The following GLO1 variants were observed in gnomAD, a reference collection of about 807,000 sequenced individuals.
The protein encoded by GLO1 is lactoylglutathione lyase.
A neutral mutation model predicts 26.0 loss-of-function variants in GLO1; 28 were observed. That is an observed-to-expected ratio of 1.08 (90% CI 0.80 to 1.48). GLO1 has a LOEUF of 1.48. GLO1 is among the 40% of genes most tolerant of loss of function. GLO1 has a pLI of 0.00. For missense variants in GLO1, 225 were observed against 224.8 expected, an observed-to-expected ratio of 1.00 and a Z score of -0.01; for synonymous variants, 78 against 77.6, an observed-to-expected ratio of 1.00 and a Z score of -0.03.
intron 1 of GLO1, among the ~76,000 whole-genome samples, chr6:38,691,799 T>A (rs1048328389): frequency 6.6e-6 from 1 of 152,090 alleles, no homozygotes; most frequent in East Asian, 1.9e-4. Flanking sequence ...ATTTTTAACC[T>A]AAGGATGTCC....
intron 5 of GLO1, among the ~76,000 whole-genome samples, chr6:38,681,690 G>A (rs1377399203): frequency 5.3e-5 from 8 of 152,146 alleles, no homozygotes; most frequent in Admixed American, 1.3e-4. Flanking sequence ...ATTTTTGGGC[G>A]GAAAGATATA....
chr6:38,678,940 CAGGG>C (rs1471101827), intron 5 of GLO1, among the ~76,000 whole-genome samples: 2 of 152,092 alleles, frequency 1.3e-5, no homozygotes, highest in Non-Finnish European at 2.9e-5. Context: ...TTGTTAAGGA[CAGGG>C]ATCTGGCCAT....
intron 1 of GLO1, 23 bp downstream of exon 1, chr6:38,702,948 G>C (rs771854203): frequency 7.3e-7 from 1 of 1,378,422 alleles, no homozygotes. Flanking sequence ...TGGGGGAGCC[G>C]TTCCCTTCGG....
intron 3 of GLO1, 84 bp from the exon 4 acceptor site, chr6:38,682,959 C>A (rs1007892273): frequency 9.8e-6 from 8 of 814,340 alleles, no homozygotes; most frequent in Admixed American, 7.3e-5. Context: ...AATCTTACCA[C>A]GTTTATATGC....
chr6:38,697,452 T>C (rs1761629320), intron 1 of GLO1, among the ~76,000 whole-genome samples: 1 of 152,174 alleles, frequency 6.6e-6, no homozygotes, highest in African/African-American at 2.4e-5. Flanking sequence ...GAAGGCCCCA[T>C]GTACCACAGG....
intron 1 of GLO1, among the ~76,000 whole-genome samples, chr6:38,697,375 G>A (rs1162034910): frequency 6.6e-6 from 1 of 152,162 alleles, no homozygotes; most frequent in African/African-American, 2.4e-5. Flanking sequence ...GTCCTTACAG[G>A]AGTCGACACA....
At chr6:38,684,850 G>A (rs942804044) in intron 2 of GLO1, among the ~76,000 whole-genome samples, 1 of 152,094 alleles carries the variant, frequency 6.6e-6, no homozygotes, top group Non-Finnish European at 1.5e-5. Flanking sequence ...AAAGAACCTT[G>A]TTGCTATTTC....
At chr6:38,700,464 C>A (rs1173165851) in intron 1 of GLO1, among the ~76,000 whole-genome samples, 1 of 152,198 alleles carries the variant, frequency 6.6e-6, no homozygotes, top group Non-Finnish European at 1.5e-5. Context: ...ACAAACTGAG[C>A]CCAAGTGCCC....
At chr6:38,693,608 A>C (rs561833078) in intron 1 of GLO1, among the ~76,000 whole-genome samples, 1 of 149,894 alleles carries the variant, frequency 6.7e-6, no homozygotes, top group Admixed American at 6.6e-5. Flanking sequence ...AGTGCTATAC[A>C]TTTCCCCCTT....
Position 38,682,003 on chromosome 6 carries a change from T to G in GLO1, c.466+9A>C, listed in dbSNP as rs752049401. ...AGACAGGCCTGAACACAGTAAGTAG[T>G]AGACTCACCATCATCAGGTTTCTTC... On this transcript the variant is annotated intron_variant, in intron 5 of 5. Transcript: ENST00000373365. 7.4e-7 allele frequency: 1 copy of G among 1,351,078 alleles called. No individual in the cohort carries two copies. Among genetic ancestry groups the G allele is most frequent in the Non-Finnish European group, 1.1e-6 (1 of 939,620 alleles). 83.7% of individuals were successfully genotyped at this position (1,351,078 alleles called of 1,614,324 possible). A position where few individuals can be genotyped will look rare whatever the true frequency, so the allele number is the denominator to read the frequency against.
At chr6:38,680,778 C>A (rs918832434) in intron 5 of GLO1, among the ~76,000 whole-genome samples, 1 of 152,052 alleles carries the variant, frequency 6.6e-6, no homozygotes, top group Non-Finnish European at 1.5e-5. Context: ...GTGGTCCTAG[C>A]TACTTAGGAG....
intron 1 of GLO1, among the ~76,000 whole-genome samples, chr6:38,689,721 C>A (rs991524250): frequency 6.6e-6 from 1 of 151,954 alleles, no homozygotes; most frequent in Non-Finnish European, 1.5e-5. Context: ...CTGAGACGGG[C>A]GGATCACGAG....
intron 2 of GLO1, 104 bp downstream of exon 2, chr6:38,686,788 T>C: frequency 7.6e-6 from 5 of 662,036 alleles, no homozygotes; most frequent in South Asian, 6.2e-5. Context: ...CCAAAAGAAC[T>C]TCTGTTACTT....
At chr6:38,702,423 T>C (rs1761717008) in intron 1 of GLO1, among the ~76,000 whole-genome samples, 1 of 152,188 alleles carries the variant, frequency 6.6e-6, no homozygotes, top group Non-Finnish European at 1.5e-5. Flanking sequence ...ACTCTATGAT[T>C]CTGTAATCTC....
At chr6:38,697,392 G>A (rs1761628378) in intron 1 of GLO1, among the ~76,000 whole-genome samples, 7 of 152,158 alleles carry the variant, frequency 4.6e-5, no homozygotes, top group Admixed American at 4.6e-4. Flanking sequence ...CACAGATCAG[G>A]TACAGGGAGA....
At position 38,684,416 on chromosome 6, in the gene GLO1, AT is replaced by A; in HGVS notation, c.265del (p.Ile89Ter). 2 of 1,570,956 alleles carry A rather than the reference AT, an allele frequency of 1.3e-6. No homozygotes were observed. Among genetic ancestry groups the A allele is most frequent in the Non-Finnish European group, 1.7e-6 (2 of 1,156,888 alleles). On this transcript the variant is annotated frameshift_variant, in exon 3 of 6. Transcript: ENST00000373365. LOFTEE classifies it high-confidence loss of function. ...NDIPKEKDEK[I>X]AWALSRKATL... ...AGCTTTTCTGGAGAGCGCCCAGGCTATTTTTTCATCTTTTTCTTTAGGGATG... is the reference window on the plus strand; with the variant it reads ...AGCTTTTCTGGAGAGCGCCCAGGCTATTTTTCATCTTTTTCTTTAGGGATG...
At chr6:38,693,623 C>T (rs896141509) in intron 1 of GLO1, among the ~76,000 whole-genome samples, 1 of 151,060 alleles carries the variant, frequency 6.6e-6, no homozygotes, top group Non-Finnish European at 1.5e-5. Flanking sequence ...CCCCTTTGCA[C>T]TGTTTAGCTA....
intron 2 of GLO1, 21 bp downstream of exon 2, chr6:38,686,871 G>T: frequency 8.0e-7 from 1 of 1,251,318 alleles, no homozygotes; most frequent in Non-Finnish European, 1.2e-6. Context: ...ACATTAAGGT[G>T]CCAATAAGTA....
rs748249302 is a variant in GLO1 at position 38,677,279 on chromosome 6, G to A, written c.*16C>T. On this transcript the variant is annotated 3_prime_UTR_variant, in exon 6 of 6. Coordinates refer to ENST00000373365, the MANE Select transcript of GLO1 (RefSeq NM_006708.3). ...TTTCCTTTCTTCTGAAATCTCAAAG[G>A]AGAATTCTCACAGCACTACATTAAG... The A allele has an allele frequency of 3.5e-6, 4 of 1,142,368 alleles. No individual in the cohort carries two copies. The highest frequency in any genetic ancestry group is 1.2e-5 in the South Asian group (1 of 81,148). 70.8% of individuals were successfully genotyped at this position (1,142,368 alleles called of 1,614,324 possible).
Sources: gnomAD v4.1 joint callset for allele counts (sites outside exome capture counted in the v4.1 genomes callset) on GRCh38, gnomAD v4.1.1 for gene constraint, MANE v1.5 for transcripts, NCBI Gene and HGNC (gene_info 2026-07-23, HGNC 2026-07-21) for gene names.